The following BNC2 variants were observed in gnomAD, a reference collection of about 807,000 sequenced individuals.
The protein encoded by BNC2 is basonuclin zinc finger protein 2, also known as zinc finger protein basonuclin-2.
A neutral mutation model predicts 76.3 loss-of-function variants in BNC2; 20 were observed. That is an observed-to-expected ratio of 0.26 (90% CI 0.18 to 0.38). The LOEUF is 0.38. BNC2 is among the 10% of genes least tolerant of loss of function. The probability of loss-of-function intolerance (pLI) is 1.00; values close to 1 mark genes in which losing one functional copy is unlikely to be tolerated. For synonymous variants in BNC2, 582 were observed against 514.8 expected (o/e 1.13, Z -1.77); for missense variants, 1,382 against 1,399.8 (o/e 0.99, Z 0.20).
At position 16,870,533 on chromosome 9, in the gene BNC2, C is replaced by T. The variant is rs577290942; in HGVS notation, c.3+113G>A. The T allele has an allele frequency of 9.2e-4, 1,188 of 1,293,622 alleles. 9 individuals carry two copies. In the African/African-American group the frequency reaches 0.016, roughly 17 times the overall value. The allele number at this position is 1,293,622 out of a possible 1,614,324, so 80.1% of individuals were successfully genotyped here. On this transcript the variant is annotated intron_variant, in intron 1 of 6. Coordinates refer to ENST00000380672, the MANE Select transcript of BNC2 (RefSeq NM_017637.6). Reference sequence around the variant, plus strand: ...TCCTCAGCGCCCCTTGCCCCTCACGCCGCGGGCCGGAGGGCGGACACGGCC... The same window carrying T: ...TCCTCAGCGCCCCTTGCCCCTCACGTCGCGGGCCGGAGGGCGGACACGGCC...
At position 16,410,675 on chromosome 9, in the gene BNC2, G is replaced by A. The variant is rs1167757825; in HGVS notation, c.*8314C>T. The A allele has an allele frequency of 6.6e-6, 1 of 152,468 alleles. No homozygotes were observed. Among genetic ancestry groups the A allele is most frequent in the Non-Finnish European group, 1.5e-5 (1 of 68,046 alleles). The allele number at this position is 152,468 out of a possible 1,614,324, so 9.4% of individuals were successfully genotyped here. On this transcript the variant is annotated 3_prime_UTR_variant, in exon 7 of 7. Transcript: ENST00000380672. ...CAAAGCAATTAAAACCAAGATGAGG[G>A]AGGGCGTGTTCTACCTTCTTGCTCA...
At chr9:16,437,553 G>T in intron 5 of BNC2, 29 bp from the exon 6 acceptor site, 3 of 1,605,478 alleles carry the variant, frequency 1.9e-6, no homozygotes, top group Non-Finnish European at 2.5e-6. Context: ...AAACAACAAA[G>T]ACAAACACAA....
intron 5 of BNC2, among the ~76,000 whole-genome samples, chr9:16,464,812 T>G (rs985750975): frequency 6.6e-6 from 1 of 152,214 alleles, no homozygotes; most frequent in African/African-American, 2.4e-5. Context: ...CCTTTCTACT[T>G]ATTAATCCTG....
chr9:16,570,615 T>C (rs969873451), intron 4 of BNC2, among the ~76,000 whole-genome samples: 1 of 152,172 alleles, frequency 6.6e-6, no homozygotes, highest in Non-Finnish European at 1.5e-5. Context: ...AAGTCTAACC[T>C]AACGAAATCT....
chr9:16,639,768 A>T (rs1366093891), intron 3 of BNC2, among the ~76,000 whole-genome samples: 2 of 152,066 alleles, frequency 1.3e-5, no homozygotes, highest in African/African-American at 2.4e-5. Context: ...AATTTTTTTT[A>T]ATACTTAGCC....
intron 1 of BNC2, among the ~76,000 whole-genome samples, chr9:16,761,649 G>A (rs920900436): frequency 1.3e-5 from 2 of 152,196 alleles, no homozygotes; most frequent in Non-Finnish European, 2.9e-5. Context: ...AGTTATGGAA[G>A]CTGGAAAACC....
chr9:16,507,168 T>C (rs1377730010), intron 5 of BNC2, among the ~76,000 whole-genome samples: 2 of 151,878 alleles, frequency 1.3e-5, no homozygotes, highest in Non-Finnish European at 2.9e-5. Flanking sequence ...TAGTATTTTC[T>C]ACCAAACAGT....
chr9:16,657,971 A>C (rs138118322), intron 3 of BNC2, among the ~76,000 whole-genome samples: 9 of 152,280 alleles, frequency 5.9e-5, no homozygotes, highest in Non-Finnish European at 1.3e-4. Flanking sequence ...ATATGTAATA[A>C]TACACTTTTA....
chr9:16,539,617 A>T (rs1818240241), intron 5 of BNC2, among the ~76,000 whole-genome samples: 1 of 62,284 alleles, frequency 1.6e-5, no homozygotes. Flanking sequence ...AGAGAGAGAG[A>T]GAAGGGAGGG....
At chr9:16,456,400 A>G (rs896113413) in intron 5 of BNC2, among the ~76,000 whole-genome samples, 2 of 151,966 alleles carry the variant, frequency 1.3e-5, no homozygotes, top group South Asian at 4.2e-4. Flanking sequence ...TGAGGTGAAC[A>G]CTTGCAGACA....
intron 1 of BNC2, among the ~76,000 whole-genome samples, chr9:16,793,967 G>A (rs1485657347): frequency 6.7e-6 from 1 of 149,600 alleles, no homozygotes; most frequent in Non-Finnish European, 1.5e-5. Context: ...CTCCCAAAGT[G>A]CTGGGATTAC....
intron 4 of BNC2, among the ~76,000 whole-genome samples, chr9:16,582,618 G>A (rs992073675): frequency 6.6e-6 from 1 of 152,182 alleles, no homozygotes; most frequent in Admixed American, 6.5e-5. Flanking sequence ...AAGCAAGGAG[G>A]ATTTGCCAGC....
chr9:16,694,281 G>C (rs1823270259), intron 3 of BNC2, among the ~76,000 whole-genome samples: 1 of 152,098 alleles, frequency 6.6e-6, no homozygotes, highest in African/African-American at 2.4e-5. Flanking sequence ...GCATCAGAAA[G>C]GGAAAGAGCA....
chr9:16,708,318 G>T (rs1240048519), intron 3 of BNC2, among the ~76,000 whole-genome samples: 2 of 152,176 alleles, frequency 1.3e-5, no homozygotes, highest in East Asian at 1.9e-4. Flanking sequence ...TTAATTTCTA[G>T]AAAGCAAAAT....
At chr9:16,607,255 A>G (rs1405633917) in intron 3 of BNC2, among the ~76,000 whole-genome samples, 1 of 152,208 alleles carries the variant, frequency 6.6e-6, no homozygotes, top group Non-Finnish European at 1.5e-5. Flanking sequence ...TCCAGTTTTA[A>G]AAAGGGGATT....
At chr9:16,858,876 T>C (rs571679018) in intron 1 of BNC2, among the ~76,000 whole-genome samples, 1 of 151,628 alleles carries the variant, frequency 6.6e-6, no homozygotes, top group Admixed American at 6.6e-5. Flanking sequence ...AAAAAGAAAC[T>C]TCTGTGCTGC....
At chr9:16,615,104 T>C (rs142795028) in intron 3 of BNC2, among the ~76,000 whole-genome samples, 9 of 151,234 alleles carry the variant, frequency 6.0e-5, no homozygotes, top group African/African-American at 2.2e-4. Flanking sequence ...CAAGGAACAC[T>C]GCTTGCAAGA....
intron 1 of BNC2, among the ~76,000 whole-genome samples, chr9:16,798,284 C>A (rs1215284687): frequency 6.6e-6 from 1 of 152,144 alleles, no homozygotes; most frequent in African/African-American, 2.4e-5. Flanking sequence ...GTAGAATGGA[C>A]AAATGCAATT....
At chr9:16,703,498 A>G (rs1231070370) in intron 3 of BNC2, among the ~76,000 whole-genome samples, 1 of 88,256 alleles carries the variant, frequency 1.1e-5, no homozygotes, top group East Asian at 2.3e-4. Context: ...AGAATATAAG[A>G]AAAAAATATC....
Sources: gnomAD v4.1 joint callset for allele counts (sites outside exome capture counted in the v4.1 genomes callset) on GRCh38, gnomAD v4.1.1 for gene constraint, MANE v1.5 for transcripts, NCBI Gene and HGNC (gene_info 2026-07-23, HGNC 2026-07-21) for gene names.